The following CMAS variants were observed in gnomAD, a reference collection of about 807,000 sequenced individuals.
CMAS encodes cytidine monophosphate N-acetylneuraminic acid synthetase.
In CMAS, 21 loss-of-function variants were observed where a neutral mutation model predicts 53.4. The observed-to-expected ratio is 0.39, with a 90% CI of 0.28 to 0.57. The LOEUF (loss-of-function observed/expected upper bound fraction) is 0.57. CMAS is among the 20% of genes least tolerant of loss of function. The pLI, the probability that CMAS is intolerant of heterozygous loss-of-function variation, is 0.56. For synonymous variants in CMAS, 189 were observed against 195.2 expected, an observed-to-expected ratio of 0.97 and a Z score of 0.27; for missense variants, 384 against 534.9, an observed-to-expected ratio of 0.72 and a Z score of 2.78.
At chr12:22,057,726 G>T (rs1950277176) in intron 3 of CMAS, among the ~76,000 whole-genome samples, 1 of 151,848 alleles carries the variant, frequency 6.6e-6, no homozygotes, top group Admixed American at 6.6e-5. Flanking sequence ...TACCTTAATT[G>T]TTCCACATTT....
chr12:22,046,274 G>A lies in CMAS; in HGVS notation c.-30G>A. Reference sequence around the variant, plus strand: ...GGTGAGGGACTAGCTCCCGGATGTGGAGAAGCTGGGGAGAAGGCGTGGGAG... The same window carrying A: ...GGTGAGGGACTAGCTCCCGGATGTGAAGAAGCTGGGGAGAAGGCGTGGGAG... On this transcript the variant is annotated 5_prime_UTR_variant, in exon 1 of 8. An upstream open reading frame in the 5' UTR gains an earlier in-frame stop. Transcript: ENST00000229329. 9 of 1,420,496 alleles carry A rather than the reference G, an allele frequency of 6.3e-6. No homozygotes were observed. The highest frequency in any genetic ancestry group is 8.3e-6 in the Non-Finnish European group (9 of 1,084,140). 88.0% of individuals were successfully genotyped at this position (1,420,496 alleles called of 1,614,324 possible). A position where few individuals can be genotyped will look rare whatever the true frequency, so the allele number is the denominator to read the frequency against.
rs190673665 is a variant in CMAS at position 22,055,781 on chromosome 12, G to C, written c.559+171G>C. Among the ~76,000 whole-genome samples, 306 of 152,260 alleles carry C rather than the reference G, an allele frequency of 2.0e-3. 5 individuals are homozygous for C. Among genetic ancestry groups the C allele is most frequent in the South Asian group, 1.9e-3 (9 of 4,824 alleles). On this transcript the variant is annotated intron_variant, in intron 3 of 7. Transcript: ENST00000229329. ...CAATCAGCTGTAAATCTGTTATCGA[G>C]CCAACACAGCTAGACCAAATTAATT...
At chr12:22,048,631 C>G (rs548089782) in intron 1 of CMAS, among the ~76,000 whole-genome samples, 1 of 152,164 alleles carries the variant, frequency 6.6e-6, no homozygotes. Context: ...AAAAACTTTC[C>G]CTGCCTTTTG....
rs1459836358 is a variant in CMAS at position 22,060,873 on chromosome 12, T to C, written c.735T>C (p.Ser245=). 2 of 1,612,154 alleles carry C rather than the reference T, an allele frequency of 1.2e-6. No individual in the cohort carries two copies. The highest frequency in any genetic ancestry group is 4.5e-5 in the East Asian group (2 of 44,744). ...MAYYEMRAEH[S]VDIDVDIDWP... ...ACTACGAAATGCGAGCTGAACATAG[T>C]GTGGATATAGATGTGGATATTGATT... is the stretch of plus-strand genomic sequence containing the variant. Residue 245 remains serine (S), a synonymous_variant, in exon 5 of 8, where the codon AGT becomes AGC. Transcript: ENST00000229329.
Position 22,065,221 on chromosome 12 carries a change from CA to C in CMAS, c.1218del (p.Lys406AsnfsTer19). 6.2e-7 allele frequency: 1 copy of C among 1,614,080 alleles called. No individual in the cohort carries two copies. Among genetic ancestry groups the C allele is most frequent in the Non-Finnish European group, 8.5e-7 (1 of 1,179,980 alleles). On this transcript the variant is annotated frameshift_variant, in exon 8 of 8. Transcript: ENST00000229329. LOFTEE classifies it high-confidence loss of function. ...CCCAGAAGGCTGTTGGATACATTTGCAAATGTAATGGTGGCCGTGGTGCCAT... is the reference window on the plus strand; with the variant it reads ...CCCAGAAGGCTGTTGGATACATTTGCAATGTAATGGTGGCCGTGGTGCCAT... The part of the protein sequence containing the change: ...TAQKAVGYIC[K>X]CNGGRGAIRE...
At chr12:22,057,706 T>C (rs1480591546) in intron 3 of CMAS, among the ~76,000 whole-genome samples, 1 of 152,206 alleles carries the variant, frequency 6.6e-6, no homozygotes, top group Non-Finnish European at 1.5e-5. Flanking sequence ...AAGCATAATA[T>C]TTGTATGAAT....
chr12:22,058,051 T>C (rs1555141061), intron 3 of CMAS, among the ~76,000 whole-genome samples: 2 of 151,576 alleles, frequency 1.3e-5, no homozygotes, highest in Non-Finnish European at 2.9e-5. Context: ...GCTCTCGAAC[T>C]CCTGACCTCA....
chr12:22,051,378 G>T (rs896418274), intron 1 of CMAS, among the ~76,000 whole-genome samples: 3 of 152,142 alleles, frequency 2.0e-5, no homozygotes, highest in Non-Finnish European at 4.4e-5. Context: ...TATGCTTAGG[G>T]TATAGACTTT....
chr12:22,048,242 G>A (rs1950219105), intron 1 of CMAS, among the ~76,000 whole-genome samples: 1 of 152,196 alleles, frequency 6.6e-6, no homozygotes, highest in South Asian at 2.1e-4. Flanking sequence ...ACATTAATGT[G>A]TGTTGTATCA....
At chr12:22,056,517 G>C (rs1317254423) in intron 3 of CMAS, among the ~76,000 whole-genome samples, 1 of 152,080 alleles carries the variant, frequency 6.6e-6, no homozygotes, top group Non-Finnish European at 1.5e-5. Flanking sequence ...TCTTAGTATA[G>C]GTGTCTTATT....
Position 22,065,308 on chromosome 12 carries a change from A to G in CMAS, c.1302A>G (p.Lys434=), listed in dbSNP as rs1294411301. ...LMEKVNNSCQ[K] ...AAAAGGTTAATAATTCATGCCAAAA[A>G]TAGAAATTAGCGTAATATTGAGAAA... Residue 434 remains lysine, a synonymous_variant, in exon 8 of 8, where the codon AAA becomes AAG. Coordinates refer to ENST00000229329, the MANE Select transcript of CMAS (RefSeq NM_018686.6). 2 of 1,608,110 alleles carry G rather than the reference A, an allele frequency of 1.2e-6. No individual in the cohort carries two copies. The highest frequency in any genetic ancestry group is 1.3e-5 in the African/African-American group (1 of 74,772).
At chr12:22,061,677 A>G (rs867626839) in intron 6 of CMAS, among the ~76,000 whole-genome samples, 1 of 152,210 alleles carries the variant, frequency 6.6e-6, no homozygotes, top group Non-Finnish European at 1.5e-5. Context: ...AAATATAAAC[A>G]TAACTACTTT....
intron 4 of CMAS, among the ~76,000 whole-genome samples, chr12:22,059,187 C>T (rs911622116): frequency 1.4e-5 from 2 of 146,950 alleles, no homozygotes; most frequent in Non-Finnish European, 1.5e-5. Flanking sequence ...TCAACTGCCT[C>T]TTACTATGTA....
chr12:22,055,827 A>T (rs1950264579), intron 3 of CMAS, among the ~76,000 whole-genome samples: 1 of 152,236 alleles, frequency 6.6e-6, no homozygotes, highest in Admixed American at 6.5e-5. Flanking sequence ...CTCTTTACAA[A>T]GGGACATTCT....
intron 3 of CMAS, 119 bp from the exon 4 acceptor site, chr12:22,058,448 T>A (rs1218064872): frequency 3.4e-6 from 3 of 877,140 alleles, no homozygotes; most frequent in Non-Finnish European, 5.2e-6. Context: ...GAAAAGTTCT[T>A]TATCTAGATA....
At chr12:22,057,240 TACACACACAC>T (rs71053372) in intron 3 of CMAS, among the ~76,000 whole-genome samples, 6 of 118,030 alleles carry the variant, frequency 5.1e-5, no homozygotes, top group Non-Finnish European at 8.1e-5. Flanking sequence ...CACACACACA[TACACACACAC>T]ACACACACAC....
In CMAS at chr12:22,046,220, G is replaced by C. The variant is rs764870528; in HGVS notation, c.-84G>C. On this transcript the variant is annotated 5_prime_UTR_variant, in exon 1 of 8. Coordinates refer to ENST00000229329, the MANE Select transcript of CMAS (RefSeq NM_018686.6). ...GACGGCCGCGCGCGCCAGCTGCCAG[G>C]CGGGGATCGGGCGGCGCCGAGCTGA... The C allele has an allele frequency of 3.8e-6, 5 of 1,315,476 alleles. No homozygotes were observed. The highest frequency in any genetic ancestry group is 4.9e-6 in the Non-Finnish European group (5 of 1,011,254). 81.5% of individuals were successfully genotyped at this position (1,315,476 alleles called of 1,614,324 possible).
intron 7 of CMAS, 49 bp from the exon 8 acceptor site, chr12:22,065,072 T>C: frequency 6.7e-7 from 1 of 1,481,482 alleles, no homozygotes; most frequent in Admixed American, 1.9e-5. Flanking sequence ...TTAGCTAGAA[T>C]ATTCTTTGTC....
At chr12:22,061,060 ATG>A in intron 5 of CMAS, 134 bp downstream of exon 5, 1 of 686,776 alleles carries the variant, frequency 1.5e-6, no homozygotes, top group Admixed American at 2.6e-5. Flanking sequence ...CATGTAAAAT[ATG>A]TGTTTACATG....
Sources: gnomAD v4.1 joint callset for allele counts (sites outside exome capture counted in the v4.1 genomes callset) on GRCh38, gnomAD v4.1.1 for gene constraint, MANE v1.5 for transcripts, NCBI Gene and HGNC (gene_info 2026-07-23, HGNC 2026-07-21) for gene names.